SEPTIN9: variants seen among roughly 807,000 people sequenced by gnomAD.
The protein encoded by SEPTIN9 is septin-9.
Under a neutral mutation model 56.6 loss-of-function variants are expected in SEPTIN9, and 13 were observed. That is an observed-to-expected ratio of 0.23 (90% confidence interval 0.15 to 0.37). SEPTIN9 has a LOEUF of 0.37. Ranked by LOEUF, SEPTIN9 falls within the 10% of genes least tolerant of loss-of-function variation. SEPTIN9 has a pLI of 1.00. For missense variants in SEPTIN9, 650 were observed against 823.1 expected, an observed-to-expected ratio of 0.79 and a Z score of 2.57; for synonymous variants, 332 against 334.1, an observed-to-expected ratio of 0.99 and a Z score of 0.07.
chr17:77,348,729 G>T (rs891771022), intron 2 of SEPTIN9, among the ~76,000 whole-genome samples: 5 of 152,174 alleles, frequency 3.3e-5, no homozygotes, highest in African/African-American at 9.7e-5. Context: ...GAAAAAAAGT[G>T]TAAGAACTAG....
intron 1 of SEPTIN9, among the ~76,000 whole-genome samples, chr17:77,285,409 T>G (rs1270510979): frequency 6.6e-6 from 1 of 152,134 alleles, no homozygotes; most frequent in African/African-American, 2.4e-5. Context: ...TTATTTTTTA[T>G]TTTTTTGAGA....
At chr17:77,285,892 G>A (rs541112402) in intron 1 of SEPTIN9, among the ~76,000 whole-genome samples, 3 of 152,340 alleles carry the variant, frequency 2.0e-5, no homozygotes, top group East Asian at 1.9e-4. Context: ...CCAGCGCCCC[G>A]GGAGCTGACT....
chr17:77,369,722 T>G lies in SEPTIN9; in HGVS notation c.77-32337T>G, dbSNP rs188520688. Among the ~76,000 whole-genome samples the G allele has an allele frequency of 1.4e-3, 215 of 152,302 alleles. 3 individuals carry two copies. Among genetic ancestry groups the G allele is most frequent in the Admixed American group, 0.011 (163 of 15,298 alleles). On this transcript the variant is annotated intron_variant, in intron 2 of 11. Coordinates refer to ENST00000427177, the MANE Select transcript of SEPTIN9 (RefSeq NM_001113491.2). This position sits in a 1 kb window ranked among gnomAD's most constrained non-coding sequence, Gnocchi z 4.9. ...TGGGGTGTCCCGTCTGGAGCCTCAG[T>G]GTTGCTGGGAGAAAGCCCCTCACCT...
At chr17:77,496,537 C>G (rs767260115) in intron 10 of SEPTIN9, among the ~76,000 whole-genome samples, 1 of 152,130 alleles carries the variant, frequency 6.6e-6, no homozygotes, top group Non-Finnish European at 1.5e-5. Flanking sequence ...CCAGGCACCG[C>G]GTGTTCATAT....
Position 77,437,974 on chromosome 17 carries a change from T to C in SEPTIN9, c.721+35271T>C, listed in dbSNP as rs2037407731. ...TGTGCACCCATTGAAGGCGGCATCA[T>C]CCGGGCCTCTCCGGTGGCCATGCAT... On this transcript the variant is annotated intron_variant, in intron 3 of 11. Transcript: ENST00000427177. The surrounding 1 kb of genome is among the most constrained non-coding windows in gnomAD (Gnocchi z 5.3). Among the ~76,000 whole-genome samples, 1 of 152,132 alleles carries C rather than the reference T, an allele frequency of 6.6e-6. No individual in the cohort carries two copies. Among genetic ancestry groups the C allele is most frequent in the African/African-American group, 2.4e-5 (1 of 41,446 alleles).
At chr17:77,484,436 ATGG>A (rs1359480015) in intron 4 of SEPTIN9, among the ~76,000 whole-genome samples, 3 of 28,890 alleles carry the variant, frequency 1.0e-4, no homozygotes, top group South Asian at 8.8e-4. Context: ...GGTGATGGTG[ATGG>A]TGGTGATGGT....
rs764249269 is a variant in SEPTIN9 at position 77,434,222 on chromosome 17, G to A, written c.721+31519G>A. On this transcript the variant is annotated intron_variant, in intron 3 of 11. Transcript: ENST00000427177. This position sits in a 1 kb window ranked among gnomAD's most constrained non-coding sequence, Gnocchi z 5.0. Reference sequence around the variant, plus strand: ...TGCGGAAAGTGCCCTAGGATACGGTGGCAGGACTGGCTGGGGTTCTGGCTC... The same window carrying A: ...TGCGGAAAGTGCCCTAGGATACGGTAGCAGGACTGGCTGGGGTTCTGGCTC... Among the ~76,000 whole-genome samples, 24 of 152,150 alleles carry A rather than the reference G, an allele frequency of 1.6e-4. No homozygotes were observed. The highest frequency in any genetic ancestry group is 6.5e-5 in the Admixed American group (1 of 15,278).
rs1306361362 is a variant in SEPTIN9, at chr17:77,445,949, C to G, written c.722-36195C>G. The G allele has an allele frequency of 2.3e-5, 4 of 170,986 alleles. No individual in the cohort carries two copies. The highest frequency in any genetic ancestry group is 5.7e-5 in the Non-Finnish European group (4 of 69,948). The allele number at this position is 170,986 out of a possible 1,614,324, so 10.6% of individuals were successfully genotyped here. A position where few individuals can be genotyped will look rare whatever the true frequency, so the allele number is the denominator to read the frequency against. On this transcript the variant is annotated intron_variant, in intron 3 of 11. Transcript: ENST00000427177. This position sits in a 1 kb window ranked among gnomAD's most constrained non-coding sequence, Gnocchi z 4.7. The stretch of plus-strand genomic sequence containing the variant: ...TCTGTGGATGTGGGAAGTTCACTAT[C>G]TCAAGAGCAGCAGCCTTGGAAAATC...
intron 2 of SEPTIN9, among the ~76,000 whole-genome samples, chr17:77,346,043 C>T (rs998265334): frequency 3.2e-4 from 49 of 152,160 alleles, no homozygotes; most frequent in African/African-American, 1.1e-3. Context: ...CTCCACCTCC[C>T]GGGTTCAAGC....
chr17:77,383,887 C>T (rs1309357849), intron 2 of SEPTIN9, among the ~76,000 whole-genome samples: 1 of 152,252 alleles, frequency 6.6e-6, no homozygotes, highest in Non-Finnish European at 1.5e-5. Context: ...CCTCAGTTTC[C>T]CATCTGTGCA....
chr17:77,338,985 A>G (rs1001211866), intron 2 of SEPTIN9, among the ~76,000 whole-genome samples: 1 of 152,202 alleles, frequency 6.6e-6, no homozygotes, highest in Non-Finnish European at 1.5e-5. Context: ...CTCATCCATA[A>G]GAAGCAACTC....
chr17:77,378,586 G>A (rs2035019440), intron 2 of SEPTIN9, among the ~76,000 whole-genome samples: 1 of 152,202 alleles, frequency 6.6e-6, no homozygotes, highest in African/African-American at 2.4e-5. Flanking sequence ...GAGGTCTCAG[G>A]CAAGGGCCTG....
intron 2 of SEPTIN9, among the ~76,000 whole-genome samples, chr17:77,309,640 C>T (rs764254437): frequency 3.9e-4 from 60 of 152,078 alleles, no homozygotes; most frequent in African/African-American, 6.5e-4. Context: ...AGGCTCTTCT[C>T]GAGGTTGTGT....
At chr17:77,466,703 C>A in intron 3 of SEPTIN9, 1 of 375,604 alleles carries the variant, frequency 2.7e-6, no homozygotes, top group East Asian at 1.6e-4. Flanking sequence ...AACCAGCTAA[C>A]ATCACAGCGT....
intron 3 of SEPTIN9, among the ~76,000 whole-genome samples, chr17:77,461,042 C>T (rs1163512648): frequency 3.9e-5 from 6 of 152,194 alleles, no homozygotes; most frequent in African/African-American, 1.2e-4. Context: ...TGGTGGCTCA[C>T]ACCTCTAATC....
chr17:77,372,943 A>G (rs2034768227), intron 2 of SEPTIN9, among the ~76,000 whole-genome samples: 1 of 152,144 alleles, frequency 6.6e-6, no homozygotes, highest in Non-Finnish European at 1.5e-5. Flanking sequence ...GGCTGCCCAA[A>G]TACAGCCTCC....
Position 77,488,332 on chromosome 17 carries a change from TCCAGGGGGA to T in SEPTIN9, c.1124+12_1124+20del. 1 of 1,610,472 alleles carries T rather than the reference TCCAGGGGGA, an allele frequency of 6.2e-7. No homozygotes were observed. Among genetic ancestry groups the T allele is most frequent in the East Asian group, 2.2e-5 (1 of 44,852 alleles). Reference sequence around the variant, plus strand: ...CAACAACGAGAACTGGTGAGGCCCCTCCAGGGGGAGGAGCACTAGCGGGGGCTTCAGGGC... The same window carrying T: ...CAACAACGAGAACTGGTGAGGCCCCTGGAGCACTAGCGGGGGCTTCAGGGC... On this transcript the variant is annotated intron_variant, in intron 6 of 11. Transcript: ENST00000427177.
In SEPTIN9 at chr17:77,490,206, G is replaced by C. The variant is rs141529107; in HGVS notation, c.1263-536G>C. ...GGGAAAAGCTCGGCTCCAGAACTGG[G>C]GAAGATGGTGCCCCAGTTCCAGGGC... On this transcript the variant is annotated intron_variant, in intron 7 of 11. Coordinates refer to ENST00000427177, the MANE Select transcript of SEPTIN9 (RefSeq NM_001113491.2). 9.3e-3 allele frequency among the ~76,000 whole-genome samples: 1,416 copies of C among 152,328 alleles called. 22 individuals are homozygous for C. Among genetic ancestry groups the C allele is most frequent in the African/African-American group, 0.032 (1,347 of 41,578 alleles).
Position 77,429,347 on chromosome 17 carries a change from A to G in SEPTIN9, c.721+26644A>G. ...CTGGCTCCTGCAGCCCACCTGGCTG[A>G]GAGGTGTGCTGGCTCTCGCAGGTTG... is the stretch of plus-strand genomic sequence containing the variant. On this transcript the variant is annotated intron_variant, in intron 3 of 11. Coordinates refer to ENST00000427177, the MANE Select transcript of SEPTIN9 (RefSeq NM_001113491.2). This position sits in a 1 kb window ranked among gnomAD's most constrained non-coding sequence, Gnocchi z 5.2. The G allele has an allele frequency of 2.2e-6, 1 of 460,660 alleles. No homozygotes were observed. Among genetic ancestry groups the G allele is most frequent in the South Asian group, 1.6e-5 (1 of 63,578 alleles). The allele number at this position is 460,660 out of a possible 1,614,324, so 28.5% of individuals were successfully genotyped here.
Sources: allele counts gnomAD v4.1 joint callset (sites outside exome capture counted in the v4.1 genomes callset), GRCh38; gene constraint gnomAD v4.1.1; non-coding constraint Gnocchi (gnomAD v3.1); transcripts MANE v1.5; gene names NCBI Gene and HGNC (gene_info 2026-07-23, HGNC 2026-07-21).